The following DISC1 variants were observed in gnomAD, a reference collection of about 807,000 sequenced individuals.
DISC1 encodes DISC1 scaffold protein.
A neutral mutation model predicts 84.5 loss-of-function variants in DISC1; 57 were observed. The ratio of observed to expected loss-of-function variants is 0.67; its 90% confidence interval spans 0.55 to 0.84. The LOEUF (loss-of-function observed/expected upper bound fraction) is 0.84. Among genes scored for constraint, DISC1 ranks in the 40% least tolerant of loss-of-function variants. DISC1 has a pLI of 0.00. For missense variants in DISC1, 1,000 were observed against 1,057.8 expected (o/e 0.95, Z 0.76); for synonymous variants, 411 against 415.2 (o/e 0.99, Z 0.12).
rs571430883 is a variant in DISC1, at chr1:231,711,621, G to C, written c.1117+9597G>C. ...CTGACCTCGTGATCCACCGACCTTG[G>C]CTTCCCAAAGTGCTGAGATTACAGG... On this transcript the variant is annotated intron_variant, in intron 3 of 12. Transcript: ENST00000439617. 3.3e-5 allele frequency among the ~76,000 whole-genome samples: 5 copies of C among 151,992 alleles called. 1 individual carries two copies. Among genetic ancestry groups the C allele is most frequent in the African/African-American group, 1.2e-4 (5 of 41,448 alleles).
At chr1:231,657,879 T>C (rs1208742818) in intron 1 of DISC1, among the ~76,000 whole-genome samples, 3 of 152,242 alleles carry the variant, frequency 2.0e-5, no homozygotes, top group Non-Finnish European at 2.9e-5. Context: ...TTTTGGTTAC[T>C]GTAGCCTTGC....
intron 9 of DISC1, among the ~76,000 whole-genome samples, chr1:231,847,719 T>C (rs913352548): frequency 1.3e-5 from 2 of 152,210 alleles, no homozygotes; most frequent in Non-Finnish European, 2.9e-5. Flanking sequence ...TGTGCCGTTT[T>C]GGCCTCAAGT....
chr1:231,911,775 A>G (rs1452001499), intron 9 of DISC1, among the ~76,000 whole-genome samples: 4 of 152,138 alleles, frequency 2.6e-5, no homozygotes, highest in Non-Finnish European at 4.4e-5. Flanking sequence ...GTGTTTTCCA[A>G]CTTGGTTCCT....
At chr1:231,765,571 A>G (rs2076111965) in intron 4 of DISC1, among the ~76,000 whole-genome samples, 1 of 152,012 alleles carries the variant, frequency 6.6e-6, no homozygotes, top group Non-Finnish European at 1.5e-5. Flanking sequence ...TGAATTGTTG[A>G]CGTAGTTTTG....
chr1:231,942,472 G>A (rs1373376064), intron 9 of DISC1, among the ~76,000 whole-genome samples: 1 of 152,060 alleles, frequency 6.6e-6, no homozygotes, highest in African/African-American at 2.4e-5. Flanking sequence ...TGAGACCACC[G>A]TGGCTAATAT....
At chr1:231,804,666 T>C (rs963749650) in intron 8 of DISC1, among the ~76,000 whole-genome samples, 2 of 152,170 alleles carry the variant, frequency 1.3e-5, no homozygotes, top group African/African-American at 4.8e-5. Context: ...CACAGTGGAA[T>C]GGAGCTAGAT....
chr1:231,890,362 C>T (rs984534434), intron 9 of DISC1, among the ~76,000 whole-genome samples: 1 of 152,138 alleles, frequency 6.6e-6, no homozygotes, highest in East Asian at 1.9e-4. Context: ...GGAATTGTCT[C>T]TGCAGTATTG....
intron 9 of DISC1, among the ~76,000 whole-genome samples, chr1:231,851,585 C>A (rs890956965): frequency 1.3e-5 from 2 of 152,170 alleles, no homozygotes; most frequent in African/African-American, 4.8e-5. Context: ...ACTTGGGGCT[C>A]CCCCAGCACA....
chr1:231,645,557 A>C (rs764264919), intron 1 of DISC1, among the ~76,000 whole-genome samples: 8 of 151,458 alleles, frequency 5.3e-5, no homozygotes, highest in Non-Finnish European at 7.4e-5. Flanking sequence ...TCTGGGGTAC[A>C]TGTGCACAAC....
chr1:231,885,502 G>C (rs9431714), intron 9 of DISC1, among the ~76,000 whole-genome samples: 1 of 151,988 alleles, frequency 6.6e-6, no homozygotes, highest in African/African-American at 2.4e-5. Context: ...ATTCAAGCCC[G>C]ATGTAGCCTG....
intron 9 of DISC1, among the ~76,000 whole-genome samples, chr1:231,859,830 G>C (rs983889569): frequency 3.3e-5 from 5 of 152,200 alleles, no homozygotes; most frequent in Admixed American, 6.5e-5. Flanking sequence ...TCTTCTGCCA[G>C]ATTTTGTGTT....
chr1:231,709,430 T>A (rs1237349413), intron 3 of DISC1, among the ~76,000 whole-genome samples: 2 of 152,094 alleles, frequency 1.3e-5, no homozygotes, highest in Non-Finnish European at 2.9e-5. Flanking sequence ...TGGTAGGATT[T>A]CTTGGAACCC....
chr1:231,898,974 C>T (rs1300336993), intron 9 of DISC1, among the ~76,000 whole-genome samples: 1 of 151,020 alleles, frequency 6.6e-6, no homozygotes, highest in Non-Finnish European at 1.5e-5. Flanking sequence ...AAAAAAACCC[C>T]ACAAAAAACA....
intron 9 of DISC1, among the ~76,000 whole-genome samples, chr1:231,839,054 A>ATT (rs2082832205): frequency 1.3e-5 from 2 of 152,228 alleles, no homozygotes; most frequent in Non-Finnish European, 2.9e-5. Context: ...AAGACAGCAG[A>ATT]GATAAGGACA....
chr1:231,915,773 C>G (rs1417105616), intron 9 of DISC1, among the ~76,000 whole-genome samples: 1 of 152,106 alleles, frequency 6.6e-6, no homozygotes, highest in African/African-American at 2.4e-5. Context: ...AGTGAAACTC[C>G]ATCTTAGAAA....
At chr1:231,950,931 T>C (rs566891173) in intron 9 of DISC1, among the ~76,000 whole-genome samples, 3 of 152,276 alleles carry the variant, frequency 2.0e-5, no homozygotes, top group African/African-American at 7.2e-5. Context: ...TGAGATGTGC[T>C]CCAGGGTTCA....
Position 232,009,129 on chromosome 1 carries a change from T to C in DISC1, c.2307+80T>C, listed in dbSNP as rs1399751480. ...GGGACCATGCTCCAAATGGGAACAA[T>C]AAATATTGGGAAGGCTTCCCATTGA... On this transcript the variant is annotated intron_variant, in intron 11 of 12. Transcript: ENST00000439617. This position sits in a 1 kb window ranked among gnomAD's most constrained non-coding sequence, Gnocchi z 4.6. 5 of 1,595,604 alleles carry C rather than the reference T, an allele frequency of 3.1e-6. No homozygotes were observed. The highest frequency in any genetic ancestry group is 4.3e-6 in the Non-Finnish European group (5 of 1,170,018).
chr1:232,009,363 T>A lies in DISC1; in HGVS notation c.2307+314T>A. The A allele has an allele frequency of 1.2e-5, 11 of 914,508 alleles. No homozygotes were observed. The highest frequency in any genetic ancestry group is 1.5e-5 in the Non-Finnish European group (11 of 742,274). The allele number at this position is 914,508 out of a possible 1,614,324, so 56.6% of individuals were successfully genotyped here. A position where few individuals can be genotyped will look rare whatever the true frequency, so the allele number is the denominator to read the frequency against. On this transcript the variant is annotated intron_variant, in intron 11 of 12. Coordinates refer to ENST00000439617, the MANE Select transcript of DISC1 (RefSeq NM_018662.3). The surrounding 1 kb of genome is among the most constrained non-coding windows in gnomAD (Gnocchi z 4.6). ...TAGCATACATTATATATGTCATATA[T>A]AATATAGTTATTATATTCACTATAG... is the stretch of plus-strand genomic sequence containing the variant.
At chr1:231,713,316 G>A (rs540824963) in intron 3 of DISC1, among the ~76,000 whole-genome samples, 1 of 152,254 alleles carries the variant, frequency 6.6e-6, no homozygotes, top group Admixed American at 6.5e-5. Context: ...CTATCCCTGA[G>A]AAAGCCCAGC....
Sources: allele counts gnomAD v4.1 joint callset (sites outside exome capture counted in the v4.1 genomes callset), GRCh38; gene constraint gnomAD v4.1.1; non-coding constraint Gnocchi (gnomAD v3.1); transcripts MANE v1.5; gene names NCBI Gene and HGNC (gene_info 2026-07-23, HGNC 2026-07-21).